MYLK4: variants seen among roughly 807,000 people sequenced by gnomAD.
MYLK4 encodes myosin light chain kinase family member 4.
MYLK4 carries 46 observed loss-of-function variants against 48.1 expected under a neutral mutation model. The ratio of observed to expected loss-of-function variants is 0.96; its 90% confidence interval spans 0.75 to 1.22. MYLK4 has a LOEUF of 1.22. MYLK4 is among the 50% of genes most tolerant of loss of function. MYLK4 has a pLI of 0.00. For synonymous variants in MYLK4, 170 were observed against 180.8 expected, an observed-to-expected ratio of 0.94 and a Z score of 0.48; for missense variants, 451 against 486.1, an observed-to-expected ratio of 0.93 and a Z score of 0.68.
At chr6:2,724,713 C>T (rs62389651) in intron 2 of MYLK4, among the ~76,000 whole-genome samples, 2 of 152,214 alleles carry the variant, frequency 1.3e-5, no homozygotes, top group East Asian at 3.9e-4. Flanking sequence ...GAGCCCAGCC[C>T]GGTCTGTCTC....
At chr6:2,714,997 G>A (rs972249994) in intron 2 of MYLK4, among the ~76,000 whole-genome samples, 1 of 152,128 alleles carries the variant, frequency 6.6e-6, no homozygotes, top group South Asian at 2.1e-4. Context: ...GGGCGTGGTG[G>A]CTCACTCCTA....
chr6:2,760,910 G>GT, the MYLK4 span, among the ~76,000 whole-genome samples: 26 of 152,182 alleles, frequency 1.7e-4, no homozygotes, highest in Non-Finnish European at 1.5e-5. Flanking sequence ...ATGAGTTTGG[G>GT]TTAGGGGGCA....
chr6:2,765,583 G>C, the MYLK4 span: 1 of 1,451,572 alleles, frequency 6.9e-7, no homozygotes, highest in Non-Finnish European at 9.0e-7. Flanking sequence ...CGCACGGGTT[G>C]CTGCGGCCGC....
chr6:2,698,577 C>T (rs1303039967), intron 2 of MYLK4, among the ~76,000 whole-genome samples: 7 of 152,020 alleles, frequency 4.6e-5, no homozygotes, highest in Admixed American at 4.6e-4. Flanking sequence ...GCCATTTTAC[C>T]TAAGTTCTAG....
chr6:2,675,186 T>G, intron 10 of MYLK4, 61 bp from the exon 11 acceptor site: 1 of 1,239,536 alleles, frequency 8.1e-7, no homozygotes, highest in Non-Finnish European at 1.2e-6. Flanking sequence ...GTATCTGCTG[T>G]TCAATCTCAA....
At chr6:2,713,585 G>A (rs1762759705) in intron 2 of MYLK4, among the ~76,000 whole-genome samples, 1 of 152,138 alleles carries the variant, frequency 6.6e-6, no homozygotes, top group African/African-American at 2.4e-5. Flanking sequence ...GCATGGCCCT[G>A]ATACTTGGAA....
At chr6:2,696,498 T>C (rs1762066051) in intron 2 of MYLK4, among the ~76,000 whole-genome samples, 1 of 152,222 alleles carries the variant, frequency 6.6e-6, no homozygotes, top group East Asian at 1.9e-4. Context: ...TTGCTCACTC[T>C]TTATGGGGAG....
chr6:2,716,729 A>T (rs933753630), intron 2 of MYLK4, among the ~76,000 whole-genome samples: 66 of 152,364 alleles, frequency 4.3e-4, no homozygotes, highest in African/African-American at 1.6e-3. Context: ...GCCATTTCTT[A>T]GCCATGTGAT....
Position 2,692,984 on chromosome 6 carries a change from C to G in MYLK4, c.160-125G>C, listed in dbSNP as rs985886538. 3.5e-6 allele frequency: 3 copies of G among 846,638 alleles called. No individual in the cohort carries two copies. The African/African-American group carries it at 5.1e-5, about 15-fold the overall frequency. The allele number at this position is 846,638 out of a possible 1,614,324, so 52.4% of individuals were successfully genotyped here. ...GAATGTCACGAGCATTACAGGACAG[C>G]AGCATCACTGGCCTCTATCCACCAG... is the stretch of plus-strand genomic sequence containing the variant. On this transcript the variant is annotated intron_variant, in intron 2 of 12. Transcript: ENST00000274643.
chr6:2,685,653 A>G lies in MYLK4; in HGVS notation c.342-77T>C. On this transcript the variant is annotated intron_variant, in intron 4 of 12. Coordinates refer to ENST00000274643, the MANE Select transcript of MYLK4 (RefSeq NM_001012418.5). The surrounding 1 kb of genome is among the most constrained non-coding windows in gnomAD (Gnocchi z 4.5). The stretch of plus-strand genomic sequence containing the variant: ...GTGGACAGCGCACAGTGGCCCCAGT[A>G]TTTCTCCTGCTGAGTCTGGATGAGC... 2 of 1,339,194 alleles carry G rather than the reference A, an allele frequency of 1.5e-6. No homozygotes were observed. The highest frequency in any genetic ancestry group is 1.2e-5 in the South Asian group (1 of 83,188). 83.0% of individuals were successfully genotyped at this position (1,339,194 alleles called of 1,614,324 possible).
intron 2 of MYLK4, among the ~76,000 whole-genome samples, chr6:2,720,990 GTC>G (rs1230207003): frequency 6.6e-6 from 1 of 151,794 alleles, no homozygotes; most frequent in Non-Finnish European, 1.5e-5. Context: ...GTGAAACCCT[GTC>G]TCTACTAAAA....
rs1478683874 is a variant in MYLK4, at chr6:2,734,762, C to T, written c.159+14374G>A. ...TAGTATGTTACCTTTATTTTTCTTT[C>T]AGCAGTTTTTTGAAGTAAACTTCAT... is the stretch of plus-strand genomic sequence containing the variant. On this transcript the variant is annotated intron_variant, in intron 2 of 12. Coordinates refer to ENST00000274643, the MANE Select transcript of MYLK4 (RefSeq NM_001012418.5). Among the ~76,000 whole-genome samples, 6 of 152,234 alleles carry T rather than the reference C, an allele frequency of 3.9e-5. No homozygotes were observed. In the East Asian group the frequency reaches 1.2e-3, roughly 29 times the overall value.
intron 2 of MYLK4, among the ~76,000 whole-genome samples, chr6:2,727,829 C>T (rs1413593874): frequency 1.3e-5 from 2 of 151,882 alleles, no homozygotes; most frequent in African/African-American, 4.8e-5. Flanking sequence ...TGCCTGTAAT[C>T]CCAACTACTC....
intron 10 of MYLK4, 95 bp from the exon 11 acceptor site, chr6:2,675,220 C>T: frequency 1.2e-6 from 1 of 861,876 alleles, no homozygotes; most frequent in Non-Finnish European, 2.0e-6. Context: ...CTTCGGGAGA[C>T]CAGATGGCCG....
At chr6:2,731,526 T>C (rs1763480311) in intron 2 of MYLK4, among the ~76,000 whole-genome samples, 2 of 152,166 alleles carry the variant, frequency 1.3e-5, no homozygotes, top group African/African-American at 4.8e-5. Flanking sequence ...CAGGTGCAGA[T>C]GAAACTTCAC....
At chr6:2,768,536 C>T in the MYLK4 span, among the ~76,000 whole-genome samples, 1 of 152,072 alleles carries the variant, frequency 6.6e-6, no homozygotes, top group East Asian at 1.9e-4. Context: ...TTTAAATGTC[C>T]TGTGGTATTT....
intron 2 of MYLK4, among the ~76,000 whole-genome samples, chr6:2,708,371 T>A (rs1398815439): frequency 6.6e-6 from 1 of 152,218 alleles, no homozygotes; most frequent in Non-Finnish European, 1.5e-5. Context: ...AATACCAAAG[T>A]GCTGATCTTT....
intron 3 of MYLK4, among the ~76,000 whole-genome samples, chr6:2,690,990 G>A (rs926596706): frequency 6.6e-5 from 10 of 151,738 alleles, no homozygotes; most frequent in Admixed American, 2.0e-4. Flanking sequence ...CACCACGCCC[G>A]GCTAATTTTT....
intron 2 of MYLK4, among the ~76,000 whole-genome samples, chr6:2,718,782 A>G (rs1762960297): frequency 6.6e-6 from 1 of 152,250 alleles, no homozygotes; most frequent in South Asian, 2.1e-4. Flanking sequence ...TGGTGTGGTT[A>G]GTAAGAATCA....
Sources: gnomAD v4.1 joint callset for allele counts (sites outside exome capture counted in the v4.1 genomes callset) on GRCh38, gnomAD v4.1.1 for gene constraint, Gnocchi (gnomAD v3.1) non-coding constraint, MANE v1.5 for transcripts, NCBI Gene and HGNC (gene_info 2026-07-23, HGNC 2026-07-21) for gene names.